Variants in COLEC12 observed in about 807,000 individuals in gnomAD.
The protein encoded by COLEC12 is collectin subfamily member 12, also known as collectin-12.
A neutral mutation model predicts 71.1 loss-of-function variants in COLEC12; 33 were observed. The ratio of observed to expected loss-of-function variants is 0.46; its 90% CI spans 0.35 to 0.62. The LOEUF (loss-of-function observed/expected upper bound fraction) is 0.62. Among genes scored for constraint, COLEC12 ranks in the 20% least tolerant of loss-of-function variants. The pLI is 0.00. For missense variants in COLEC12, 765 were observed against 916.1 expected, an observed-to-expected ratio of 0.84 and a Z score of 2.13; for synonymous variants, 350 against 353.0, an observed-to-expected ratio of 0.99 and a Z score of 0.10.
At chr18:481,313 C>T (rs557906259) in intron 1 of COLEC12, among the ~76,000 whole-genome samples, 10 of 152,254 alleles carry the variant, frequency 6.6e-5, no homozygotes, top group Admixed American at 5.2e-4. Context: ...ACCCTCCTTC[C>T]GATGGGTAAC....
Position 334,575 on chromosome 18 carries a change from C to G in COLEC12, c.1816+167G>C, listed in dbSNP as rs1354063859. ...CCCGGGATGTGGAGGTTGCAGTGAG[C>G]CGAGATCACGCCACTGCACTCCAGC... On this transcript the variant is annotated intron_variant, in intron 6 of 9. Coordinates refer to ENST00000400256, the MANE Select transcript of COLEC12 (RefSeq NM_130386.3). The G allele has an allele frequency of 5.3e-5, 25 of 474,988 alleles. No individual in the cohort carries two copies. The East Asian group carries it at 9.0e-4, about 17-fold the overall frequency. The allele number at this position is 474,988 out of a possible 1,614,324, so 29.4% of individuals were successfully genotyped here. A position where few individuals can be genotyped will look rare whatever the true frequency, so the allele number is the denominator to read the frequency against.
At chr18:341,692 C>T (rs1914256059) in intron 5 of COLEC12, among the ~76,000 whole-genome samples, 1 of 152,168 alleles carries the variant, frequency 6.6e-6, no homozygotes, top group African/African-American at 2.4e-5. Context: ...TATGCTGACC[C>T]CACTCTAGAC....
At chr18:334,250 A>G (rs1395576791) in intron 6 of COLEC12, 1 of 152,064 alleles carries the variant, frequency 6.6e-6, no homozygotes, top group Non-Finnish European at 1.5e-5. Context: ...TGGCGTTTAG[A>G]GAGAAACACA....
intron 2 of COLEC12, among the ~76,000 whole-genome samples, chr18:425,720 T>C (rs1916187586): frequency 6.6e-6 from 1 of 152,190 alleles, no homozygotes; most frequent in African/African-American, 2.4e-5. Context: ...TGAGTGAATA[T>C]TGGAGAAGTG....
At chr18:378,432 C>T (rs948521983) in intron 2 of COLEC12, among the ~76,000 whole-genome samples, 6 of 152,234 alleles carry the variant, frequency 3.9e-5, no homozygotes, top group African/African-American at 1.4e-4. Flanking sequence ...GACATGGAGA[C>T]TATTCTTCCA....
chr18:495,343 A>AT (rs34659991), intron 1 of COLEC12, among the ~76,000 whole-genome samples: 1 of 152,190 alleles, frequency 6.6e-6, no homozygotes, highest in Admixed American at 6.5e-5. Context: ...TAGTATCATT[A>AT]TTTTTACTGA....
intron 8 of COLEC12, among the ~76,000 whole-genome samples, chr18:326,398 A>G (rs929699958): frequency 6.6e-6 from 1 of 152,034 alleles, no homozygotes; most frequent in African/African-American, 2.4e-5. Context: ...CCCAGGCTGG[A>G]GTGCTGTGGT....
Position 325,521 on chromosome 18 carries a change from T to C in COLEC12, c.2064-3714A>G, listed in dbSNP as rs772846824. Among the ~76,000 whole-genome samples, 5 of 151,882 alleles carry C rather than the reference T, an allele frequency of 3.3e-5. No homozygotes were observed. In the South Asian group the frequency reaches 1.0e-3, roughly 32 times the overall value. On this transcript the variant is annotated intron_variant, in intron 8 of 9. Transcript: ENST00000400256. ...GGTGGGCAAGTACCCAGGTCCCGTA[T>C]GTGTCCGGCTCCCGCAGGTCTAGCA...
At chr18:341,809 A>C (rs1436854727) in intron 5 of COLEC12, among the ~76,000 whole-genome samples, 1 of 152,208 alleles carries the variant, frequency 6.6e-6, no homozygotes, top group African/African-American at 2.4e-5. Flanking sequence ...AACTTGGTAC[A>C]TGAATCCAGC....
Position 335,310 on chromosome 18 carries a change from C to A in COLEC12, c.1328-80G>T. On this transcript the variant is annotated intron_variant, in intron 5 of 9. Coordinates refer to ENST00000400256, the MANE Select transcript of COLEC12 (RefSeq NM_130386.3). ...TGAATAATTTTTCTTCTTATAAAAT[C>A]TCCAAATTAAAAAAACCTAGCATAC... 2.7e-6 allele frequency: 4 copies of A among 1,468,514 alleles called. No individual in the cohort carries two copies. The South Asian group carries it at 3.9e-5, about 14-fold the overall frequency. The allele number at this position is 1,468,514 out of a possible 1,614,324, so 91.0% of individuals were successfully genotyped here. A position where few individuals can be genotyped will look rare whatever the true frequency, so the allele number is the denominator to read the frequency against.
At chr18:417,891 C>T (rs1364549187) in intron 2 of COLEC12, among the ~76,000 whole-genome samples, 1 of 152,178 alleles carries the variant, frequency 6.6e-6, no homozygotes, top group Admixed American at 6.5e-5. Context: ...TGGCTTGAAA[C>T]TTTTGCCTTC....
intron 9 of COLEC12, 114 bp downstream of exon 9, chr18:321,546 ACC>A: frequency 1.8e-6 from 2 of 1,091,870 alleles, no homozygotes; most frequent in Non-Finnish European, 2.7e-6. Context: ...AAATGGCATA[ACC>A]AGGGCTGAAA....
chr18:463,769 G>T (rs1917032053), intron 2 of COLEC12, among the ~76,000 whole-genome samples: 1 of 152,134 alleles, frequency 6.6e-6, no homozygotes, highest in South Asian at 2.1e-4. Context: ...ACCGGTGACA[G>T]CCACAGCCCT....
At chr18:475,322 C>T (rs1181587876) in intron 2 of COLEC12, among the ~76,000 whole-genome samples, 2 of 152,126 alleles carry the variant, frequency 1.3e-5, no homozygotes, top group African/African-American at 2.4e-5. Flanking sequence ...CTTACTCAGT[C>T]GTTCCCCACA....
At chr18:490,908 G>A (rs1405865810) in intron 1 of COLEC12, among the ~76,000 whole-genome samples, 4 of 152,214 alleles carry the variant, frequency 2.6e-5, no homozygotes, top group African/African-American at 4.8e-5. Flanking sequence ...GCCCACTGGC[G>A]CTGTCTACAT....
chr18:448,135 G>A (rs554737600), intron 2 of COLEC12, among the ~76,000 whole-genome samples: 32 of 152,218 alleles, frequency 2.1e-4, no homozygotes, highest in Admixed American at 4.6e-4. Flanking sequence ...AAGCCTGTCT[G>A]TATCAGTGCC....
At chr18:353,773 T>C (rs1435863311) in intron 3 of COLEC12, among the ~76,000 whole-genome samples, 3 of 152,198 alleles carry the variant, frequency 2.0e-5, no homozygotes, top group African/African-American at 7.2e-5. Flanking sequence ...CCCAGTAACA[T>C]TAGTTACACT....
Position 480,812 on chromosome 18 carries a change from G to C in COLEC12, c.8-55C>G, listed in dbSNP as rs532831164. ...TCCTGGCAAGGGGCACAGAAGCAGA[G>C]GGTGGGGCAGGATGCGACCTGCTTC... On this transcript the variant is annotated intron_variant, in intron 1 of 9. Transcript: ENST00000400256. This position sits in a 1 kb window ranked among gnomAD's most constrained non-coding sequence, Gnocchi z 4.1. The C allele has an allele frequency of 3.4e-6, 5 of 1,486,886 alleles. No homozygotes were observed. The South Asian group carries it at 3.4e-5, about 10-fold the overall frequency. 92.1% of individuals were successfully genotyped at this position (1,486,886 alleles called of 1,614,324 possible).
rs188994729 is a variant in COLEC12 at position 407,878 on chromosome 18, A to G, written c.59-50356T>C. On this transcript the variant is annotated intron_variant, in intron 2 of 9. Coordinates refer to ENST00000400256, the MANE Select transcript of COLEC12 (RefSeq NM_130386.3). ...AGGGACTTTAAAAATAGCTGCCTGGAGCCCGCCCTAGGCCAATGATCAGAA... is the reference window on the plus strand; with the variant it reads ...AGGGACTTTAAAAATAGCTGCCTGGGGCCCGCCCTAGGCCAATGATCAGAA... Among the ~76,000 whole-genome samples the G allele has an allele frequency of 1.7e-3, 256 of 152,328 alleles. 2 individuals are homozygous for G. The highest frequency in any genetic ancestry group is 5.7e-3 in the African/African-American group (236 of 41,580).
Sources: gnomAD v4.1 joint callset for allele counts (sites outside exome capture counted in the v4.1 genomes callset) on GRCh38, gnomAD v4.1.1 for gene constraint, Gnocchi (gnomAD v3.1) non-coding constraint, MANE v1.5 for transcripts, NCBI Gene and HGNC (gene_info 2026-07-23, HGNC 2026-07-21) for gene names.